Variants in GALNT17 observed in about 807,000 individuals in gnomAD.
The protein encoded by GALNT17 is UDP-GalNAc:polypeptide N-acetylgalactosaminyltransferase-like 3.
A neutral mutation model predicts 63.7 loss-of-function variants in GALNT17; 29 were observed. The observed-to-expected ratio is 0.46, with a 90% CI of 0.34 to 0.62. The LOEUF is 0.62. GALNT17 is among the 20% of genes least tolerant of loss of function. GALNT17 has a pLI of 0.01. For missense variants in GALNT17, 603 were observed against 799.6 expected, an observed-to-expected ratio of 0.75 and a Z score of 2.97; for synonymous variants, 305 against 318.3, an observed-to-expected ratio of 0.96 and a Z score of 0.45.
At chr7:71,625,853 A>G (rs1790368052) in intron 6 of GALNT17, among the ~76,000 whole-genome samples, 1 of 152,170 alleles carries the variant, frequency 6.6e-6, no homozygotes. Context: ...CGGTACCTCC[A>G]CATTTGACTG....
intron 1 of GALNT17, among the ~76,000 whole-genome samples, chr7:71,226,046 T>C (rs2116432084): frequency 6.6e-6 from 1 of 152,354 alleles, no homozygotes; most frequent in Admixed American, 6.5e-5. Context: ...TTTTGACCTT[T>C]TGATGACTTG....
intron 5 of GALNT17, among the ~76,000 whole-genome samples, chr7:71,424,127 T>C (rs1786715820): frequency 1.3e-5 from 2 of 152,224 alleles, no homozygotes; most frequent in Admixed American, 6.5e-5. Flanking sequence ...GACCATATTC[T>C]TGGCTATCTG....
At chr7:71,414,012 T>C (rs1436848449) in intron 3 of GALNT17, among the ~76,000 whole-genome samples, 1 of 151,904 alleles carries the variant, frequency 6.6e-6, no homozygotes, top group Non-Finnish European at 1.5e-5. Flanking sequence ...GAGGCTGAGG[T>C]GGGTGGATCA....
chr7:71,237,432 C>T (rs574592496), intron 1 of GALNT17, among the ~76,000 whole-genome samples: 5 of 148,730 alleles, frequency 3.4e-5, no homozygotes, highest in African/African-American at 1.2e-4. Flanking sequence ...GTAATCCCAG[C>T]GCTTTGGGAG....
chr7:71,579,509 A>G (rs775934015), intron 6 of GALNT17, among the ~76,000 whole-genome samples: 42 of 152,244 alleles, frequency 2.8e-4, no homozygotes, highest in South Asian at 2.1e-4. Flanking sequence ...GTAAGGAAAT[A>G]TAGCCTAGTC....
intron 9 of GALNT17, among the ~76,000 whole-genome samples, chr7:71,687,879 G>T (rs1401482843): frequency 2.6e-5 from 4 of 151,968 alleles, no homozygotes; most frequent in African/African-American, 4.8e-5. Flanking sequence ...TGTGTTATTT[G>T]TACAGATGGG....
At chr7:71,255,732 A>AG (rs1251214042) in intron 1 of GALNT17, among the ~76,000 whole-genome samples, 3 of 152,162 alleles carry the variant, frequency 2.0e-5, no homozygotes, top group Non-Finnish European at 2.9e-5. Context: ...GGGCTTTTTC[A>AG]GGGGAGCTGG....
intron 5 of GALNT17, among the ~76,000 whole-genome samples, chr7:71,528,745 C>T (rs1033590458): frequency 9.2e-5 from 14 of 152,060 alleles, no homozygotes; most frequent in African/African-American, 3.1e-4. Context: ...ATCTATATAA[C>T]CAAAAACCAC....
intron 5 of GALNT17, among the ~76,000 whole-genome samples, chr7:71,522,551 T>G (rs1466405702): frequency 6.6e-6 from 1 of 152,130 alleles, no homozygotes; most frequent in African/African-American, 2.4e-5. Context: ...GTGAGACTTA[T>G]TCACTACCAT....
intron 5 of GALNT17, among the ~76,000 whole-genome samples, chr7:71,527,708 G>A (rs1788647528): frequency 6.6e-6 from 1 of 152,218 alleles, no homozygotes. Context: ...AAACTTGGCA[G>A]TTTCTAAGAA....
In GALNT17 at chr7:71,543,700, GT is replaced by G. The variant is rs71089956; in HGVS notation, c.963-27571del. Among the ~76,000 whole-genome samples the G allele has an allele frequency of 9.1e-4, 136 of 149,106 alleles. 1 individual carries two copies. Among genetic ancestry groups the G allele is most frequent in the Admixed American group, 1.1e-3 (17 of 15,044 alleles). The stretch of plus-strand genomic sequence containing the variant: ...AGAGGGAGTTGCAGCGTTTCAGCAG[GT>G]TTTTTTTTTTTTTCTTATCTGCTGT... On this transcript the variant is annotated intron_variant, in intron 5 of 10. Transcript: ENST00000333538.
At chr7:71,652,540 C>T (rs914545949) in intron 6 of GALNT17, among the ~76,000 whole-genome samples, 1 of 152,030 alleles carries the variant, frequency 6.6e-6, no homozygotes, top group African/African-American at 2.4e-5. Flanking sequence ...CAGAAAGGCC[C>T]GCAAATGATT....
intron 1 of GALNT17, among the ~76,000 whole-genome samples, chr7:71,220,248 G>A (rs370200697): frequency 3.9e-5 from 6 of 152,188 alleles, no homozygotes; most frequent in Admixed American, 6.5e-5. Flanking sequence ...TGGATGGAGC[G>A]GGTGAGCTCT....
At chr7:71,143,540 G>C (rs1787957150) in intron 1 of GALNT17, among the ~76,000 whole-genome samples, 2 of 152,172 alleles carry the variant, frequency 1.3e-5, no homozygotes, top group South Asian at 4.1e-4. Context: ...ATGTAAGTGA[G>C]GAGGTGTGGG....
intron 1 of GALNT17, among the ~76,000 whole-genome samples, chr7:71,160,667 C>G (rs549223044): frequency 2.6e-5 from 4 of 152,152 alleles, no homozygotes; most frequent in African/African-American, 9.6e-5. Flanking sequence ...CCATGTTGGT[C>G]AGGCTGGTCT....
At chr7:71,534,037 G>A (rs193101794) in intron 5 of GALNT17, among the ~76,000 whole-genome samples, 33 of 152,232 alleles carry the variant, frequency 2.2e-4, no homozygotes, top group African/African-American at 7.5e-4. Flanking sequence ...CCCTGATACC[G>A]TCTGGGAGGC....
At chr7:71,619,402 T>G (rs1221291333) in intron 6 of GALNT17, among the ~76,000 whole-genome samples, 1 of 152,270 alleles carries the variant, frequency 6.6e-6, no homozygotes, top group Non-Finnish European at 1.5e-5. Context: ...ATTTTTATGA[T>G]ATTGAGTCTT....
At chr7:71,368,738 C>T (rs970400124) in intron 2 of GALNT17, among the ~76,000 whole-genome samples, 1 of 152,086 alleles carries the variant, frequency 6.6e-6, no homozygotes, top group African/African-American at 2.4e-5. Context: ...TCAGTGTTTG[C>T]AAATGTCACA....
At chr7:71,572,407 C>G (rs1282687795) in intron 6 of GALNT17, among the ~76,000 whole-genome samples, 1 of 139,120 alleles carries the variant, frequency 7.2e-6, no homozygotes, top group Admixed American at 7.9e-5. Flanking sequence ...GAGGCTGAAG[C>G]AAGAAGATCG....
Sources: gnomAD v4.1 joint callset for allele counts (sites outside exome capture counted in the v4.1 genomes callset) on GRCh38, gnomAD v4.1.1 for gene constraint, MANE v1.5 for transcripts, NCBI Gene and HGNC (gene_info 2026-07-23, HGNC 2026-07-21) for gene names.